The following FBLN7 variants were observed in gnomAD, a reference collection of about 807,000 sequenced individuals.
FBLN7 encodes the protein fibulin 7, also known as fibulin-7.
Under a neutral mutation model 44.0 loss-of-function variants are expected in FBLN7, and 31 were observed. The observed-to-expected ratio is 0.70, with a 90% CI of 0.53 to 0.95. The LOEUF (loss-of-function observed/expected upper bound fraction) is 0.95. FBLN7 is among the 40% of genes least tolerant of loss of function. The pLI is 0.00. For missense variants in FBLN7, 573 were observed against 618.5 expected (o/e 0.93, Z 0.78); for synonymous variants, 262 against 253.4 (o/e 1.03, Z -0.32).
At chr2:112,215,764 G>A in the FBLN7 span, 36 of 152,282 alleles carry the variant, frequency 2.4e-4, no homozygotes, top group East Asian at 6.4e-3. Context: ...CCTAAAGTTT[G>A]TAACTCACAC....
At chr2:112,197,284 G>C in the FBLN7 span, among the ~76,000 whole-genome samples, 1,334 of 109,028 alleles carry the variant, frequency 0.012, 12 homozygotes, top group African/African-American at 0.025. Context: ...CAGAGAGAGA[G>C]AGAGAGAGAG....
At chr2:112,240,018 G>A in the FBLN7 span, among the ~76,000 whole-genome samples, 1 of 151,850 alleles carries the variant, frequency 6.6e-6, no homozygotes, top group African/African-American at 2.4e-5. Context: ...ATCTGACAAT[G>A]GCCTCAATTA....
intron 1 of FBLN7, among the ~76,000 whole-genome samples, chr2:112,146,308 CAA>C (rs1484251375): frequency 6.6e-6 from 1 of 152,192 alleles, no homozygotes; most frequent in African/African-American, 2.4e-5. Context: ...GCCTGGGCAA[CAA>C]GAGCAAAACT....
the FBLN7 span, among the ~76,000 whole-genome samples, chr2:112,221,944 T>C: frequency 5.9e-5 from 9 of 152,316 alleles, no homozygotes; most frequent in South Asian, 1.2e-3. Context: ...ACTCTGGCTT[T>C]TTGAGTTGCC....
the FBLN7 span, chr2:112,236,581 T>C: frequency 3.7e-6 from 6 of 1,613,716 alleles, no homozygotes; most frequent in South Asian, 6.6e-5. Flanking sequence ...TGAGCCGCTG[T>C]TCCTCAGCAA....
the FBLN7 span, among the ~76,000 whole-genome samples, chr2:112,233,633 C>T: frequency 1.8e-4 from 28 of 152,012 alleles, no homozygotes; most frequent in South Asian, 2.1e-4. Context: ...CTTTGGAGGC[C>T]GAGGTGCGCG....
the FBLN7 span, chr2:112,212,496 A>T: frequency 2.6e-5 from 4 of 152,218 alleles, no homozygotes; most frequent in Admixed American, 2.6e-4. Flanking sequence ...GTTCACATTT[A>T]TTAGTTTCCC....
At chr2:112,174,932 T>C (rs574568993) in intron 3 of FBLN7, among the ~76,000 whole-genome samples, 17 of 152,174 alleles carry the variant, frequency 1.1e-4, no homozygotes, top group Admixed American at 9.2e-4. Context: ...AAAAAATGTA[T>C]ACATGATTAT....
chr2:112,157,032 G>C lies in FBLN7; in HGVS notation c.76-2644G>C, dbSNP rs189732107. On this transcript the variant is annotated intron_variant, in intron 1 of 7. Transcript: ENST00000331203. ...CCACTGTATTTTAGAGAGTTTTTTT[G>C]AATTATAAAACCAATACTCAGTAGA... Among the ~76,000 whole-genome samples the C allele has an allele frequency of 1.3e-3, 195 of 152,110 alleles. 1 individual carries two copies. Among genetic ancestry groups the C allele is most frequent in the African/African-American group, 4.0e-3 (167 of 41,486 alleles).
the FBLN7 span, among the ~76,000 whole-genome samples, chr2:112,194,723 G>T: frequency 1.3e-5 from 2 of 152,204 alleles, no homozygotes; most frequent in South Asian, 4.1e-4. Flanking sequence ...TCCTGTTTGG[G>T]TTTCCAGTGC....
the FBLN7 span, among the ~76,000 whole-genome samples, chr2:112,202,854 C>G: frequency 3.3e-5 from 5 of 152,140 alleles, no homozygotes; most frequent in African/African-American, 1.2e-4. Context: ...CTCCACCCCC[C>G]ACTAAAATTC....
Position 112,188,036 on chromosome 2 carries a change from T to G in FBLN7, c.*530T>G, listed in dbSNP as rs1268587180. On this transcript the variant is annotated 3_prime_UTR_variant, in exon 8 of 8. Coordinates refer to ENST00000331203, the MANE Select transcript of FBLN7 (RefSeq NM_153214.3). ...CCTTTTCCTCTGTGACATGCCTGCC[T>G]GCCTGCCTTCTCATCAGAGAGTCAC... 4 of 159,736 alleles carry G rather than the reference T, an allele frequency of 2.5e-5. No homozygotes were observed. The highest frequency in any genetic ancestry group is 4.1e-5 in the Non-Finnish European group (3 of 73,306). 9.9% of individuals were successfully genotyped at this position (159,736 alleles called of 1,614,324 possible). A position where few individuals can be genotyped will look rare whatever the true frequency, so the allele number is the denominator to read the frequency against.
chr2:112,241,009 TTGTGTGTG>T, the FBLN7 span, among the ~76,000 whole-genome samples: 2 of 145,562 alleles, frequency 1.4e-5, no homozygotes, highest in East Asian at 2.0e-4. Context: ...GTGTTGTGTT[TTGTGTGTG>T]TGTGTGTGTG....
chr2:112,210,120 G>C, the FBLN7 span, among the ~76,000 whole-genome samples: 1 of 147,208 alleles, frequency 6.8e-6, no homozygotes, highest in Non-Finnish European at 1.5e-5. Context: ...TCTGACATGA[G>C]GTGTTGGAGC....
intron 4 of FBLN7, chr2:112,176,429 G>A (rs1682739850): frequency 6.6e-6 from 1 of 152,352 alleles, no homozygotes; most frequent in Non-Finnish European, 1.5e-5. Flanking sequence ...GCACCATGAT[G>A]CAACCAAGAT....
intron 1 of FBLN7, among the ~76,000 whole-genome samples, chr2:112,141,897 CTG>C (rs1463942977): frequency 3.9e-5 from 6 of 152,242 alleles, no homozygotes; most frequent in African/African-American, 1.4e-4. Context: ...CACCCAGACT[CTG>C]TACCCGGAAC....
intron 1 of FBLN7, among the ~76,000 whole-genome samples, chr2:112,139,853 C>G (rs1317256651): frequency 6.6e-4 from 31 of 47,254 alleles, no homozygotes; most frequent in Admixed American, 6.7e-4. Flanking sequence ...CCTCTCTCCA[C>G]GCCAGTGTCC....
At chr2:112,182,765 G>A (rs1323241700) in intron 5 of FBLN7, 26 bp from the exon 6 acceptor site, 1 of 1,571,930 alleles carries the variant, frequency 6.4e-7, no homozygotes, top group Non-Finnish European at 8.6e-7. Flanking sequence ...GGCTCCTAAA[G>A]TCACAGTGAG....
chr2:112,210,655 C>CAAAAA, the FBLN7 span, among the ~76,000 whole-genome samples: 2 of 69,714 alleles, frequency 2.9e-5, no homozygotes, highest in Admixed American at 2.0e-4. Context: ...GACTCTGTCT[C>CAAAAA]AAAAAAAAAA....
Sources: allele counts gnomAD v4.1 joint callset (sites outside exome capture counted in the v4.1 genomes callset), GRCh38; gene constraint gnomAD v4.1.1; transcripts MANE v1.5; gene names NCBI Gene and HGNC (gene_info 2026-07-23, HGNC 2026-07-21).